The following AGTPBP1 variants were observed in gnomAD, a reference collection of about 807,000 sequenced individuals.
The protein encoded by AGTPBP1 is cytosolic carboxypeptidase 1.
Under a neutral mutation model 143.9 loss-of-function variants are expected in AGTPBP1, and 70 were observed. The observed-to-expected ratio is 0.49, with a 90% CI of 0.40 to 0.59. The LOEUF (loss-of-function observed/expected upper bound fraction) is 0.59. AGTPBP1 is among the 20% of genes least tolerant of loss of function. The pLI is 0.00. For synonymous variants in AGTPBP1, 463 were observed against 500.2 expected, an observed-to-expected ratio of 0.93 and a Z score of 0.99; for missense variants, 1,229 against 1,464.5, an observed-to-expected ratio of 0.84 and a Z score of 2.62.
intron 1 of AGTPBP1, among the ~76,000 whole-genome samples, chr9:85,728,046 C>T (rs1345660806): frequency 0.014 from 2,032 of 149,296 alleles, 25 homozygotes; most frequent in Middle Eastern, 0.034. Flanking sequence ...CACACACACA[C>T]ACACACACAC....
chr9:85,609,986 A>G (rs1830218723), intron 17 of AGTPBP1, among the ~76,000 whole-genome samples: 1 of 152,184 alleles, frequency 6.6e-6, no homozygotes. Context: ...TTAAACTGTA[A>G]AGAGCACCCC....
In AGTPBP1 at chr9:85,623,469, G is replaced by C. The variant is rs146093037; in HGVS notation, c.2016-2184C>G. Among the ~76,000 whole-genome samples, 506 of 152,110 alleles carry C rather than the reference G, an allele frequency of 3.3e-3. 1 individual carries two copies. The highest frequency in any genetic ancestry group is 0.027 in the Middle Eastern group (8 of 294). ...GCCCTAAGCTCTCTTTAATAAAGAG[G>C]AGAGGCAGGGCATGGTGGCTCGTGC... On this transcript the variant is annotated intron_variant, in intron 14 of 25. Coordinates refer to ENST00000357081, the MANE Select transcript of AGTPBP1 (RefSeq NM_001330701.2).
chr9:85,721,092 G>A (rs1326615468), intron 1 of AGTPBP1, among the ~76,000 whole-genome samples: 1 of 152,112 alleles, frequency 6.6e-6, no homozygotes, highest in Non-Finnish European at 1.5e-5. Context: ...CCAATTATGT[G>A]GTCAATTTTA....
intron 25 of AGTPBP1, among the ~76,000 whole-genome samples, chr9:85,570,755 T>C (rs1009406887): frequency 2.0e-5 from 3 of 152,144 alleles, no homozygotes; most frequent in African/African-American, 7.2e-5. Context: ...TAGAACATAA[T>C]TGGTCAATGA....
chr9:85,765,459 GT>G, the AGTPBP1 span, among the ~76,000 whole-genome samples: 1 of 152,088 alleles, frequency 6.6e-6, no homozygotes, highest in Admixed American at 6.6e-5. Flanking sequence ...TATAGTTACA[GT>G]TTTTTTAAAA....
Position 85,546,993 on chromosome 9 carries a change from T to TA in AGTPBP1, c.*115dup. On this transcript the variant is annotated 3_prime_UTR_variant, in exon 26 of 26. Coordinates refer to ENST00000357081, the MANE Select transcript of AGTPBP1 (RefSeq NM_001330701.2). ...ATCTTGAAACCAAACTGGCCCAAGT[T>TA]ACTTTTTGTCTTTTTGAGTCAGCTC... 1 of 1,057,740 alleles carries TA rather than the reference T, an allele frequency of 9.5e-7. No individual in the cohort carries two copies. 65.5% of individuals were successfully genotyped at this position (1,057,740 alleles called of 1,614,324 possible). A position where few individuals can be genotyped will look rare whatever the true frequency, so the allele number is the denominator to read the frequency against.
intron 8 of AGTPBP1, among the ~76,000 whole-genome samples, chr9:85,666,702 C>T (rs1834154784): frequency 6.6e-6 from 1 of 151,982 alleles, no homozygotes; most frequent in Non-Finnish European, 1.5e-5. Flanking sequence ...CCCCTGGAAA[C>T]ATTTTATATT....
intron 3 of AGTPBP1, among the ~76,000 whole-genome samples, chr9:85,690,474 T>C (rs1333197650): frequency 3.9e-5 from 6 of 152,026 alleles, no homozygotes; most frequent in Non-Finnish European, 7.4e-5. Flanking sequence ...AGGAGTATTT[T>C]CAGTGGTGAG....
chr9:85,669,796 C>CA (rs35265103), intron 7 of AGTPBP1, among the ~76,000 whole-genome samples: 11,034 of 126,288 alleles, frequency 0.087, 647 homozygotes, highest in East Asian at 0.26. Flanking sequence ...GAGTTATATG[C>CA]AAAAAAAAAA....
chr9:85,683,343 T>G (rs1835304400), intron 3 of AGTPBP1, among the ~76,000 whole-genome samples: 1 of 152,224 alleles, frequency 6.6e-6, no homozygotes, highest in African/African-American at 2.4e-5. Flanking sequence ...AAATATCTAA[T>G]GTACCCTTGA....
In AGTPBP1 at chr9:85,733,967, T is replaced by C. The variant is rs140730175; in HGVS notation, c.-34+7808A>G. 3.9e-5 allele frequency among the ~76,000 whole-genome samples: 6 copies of C among 152,292 alleles called. No individual in the cohort carries two copies. The East Asian group carries it at 1.2e-3, about 29-fold the overall frequency. Reference sequence around the variant, plus strand: ...ATGTAATCAGTAATTAAAAACCTCCTTACAGGCTGGGCACGGTGGCTCACG... The same window carrying C: ...ATGTAATCAGTAATTAAAAACCTCCCTACAGGCTGGGCACGGTGGCTCACG... On this transcript the variant is annotated intron_variant, in intron 1 of 25. Transcript: ENST00000357081.
the AGTPBP1 span, among the ~76,000 whole-genome samples, chr9:85,767,792 T>A: frequency 1.3e-5 from 2 of 152,276 alleles, no homozygotes; most frequent in East Asian, 3.9e-4. Flanking sequence ...TGAGAACATA[T>A]AATTTATAGG....
chr9:85,706,976 A>G (rs1382974612), intron 2 of AGTPBP1, among the ~76,000 whole-genome samples: 2 of 152,170 alleles, frequency 1.3e-5, no homozygotes, highest in Admixed American at 1.3e-4. Flanking sequence ...CATGTTGCCT[A>G]CAAGAAATGT....
intron 11 of AGTPBP1, among the ~76,000 whole-genome samples, chr9:85,646,634 T>C (rs1832826906): frequency 6.6e-6 from 1 of 152,202 alleles, no homozygotes; most frequent in Non-Finnish European, 1.5e-5. Context: ...ACTGTAAAGG[T>C]GAATTTTACT....
intron 8 of AGTPBP1, among the ~76,000 whole-genome samples, chr9:85,662,801 C>T (rs7035561): frequency 0.24 from 36,962 of 151,926 alleles, 5,044 homozygotes; most frequent in East Asian, 0.51. Flanking sequence ...TGTCAGTCTC[C>T]CTTTGAGAAG....
chr9:85,738,550 G>A (rs1823981250), intron 1 of AGTPBP1, among the ~76,000 whole-genome samples: 1 of 152,066 alleles, frequency 6.6e-6, no homozygotes, highest in Middle Eastern at 3.4e-3. Context: ...TTTTGATAGC[G>A]GCACATTATA....
At position 85,589,612 on chromosome 9, in the gene AGTPBP1, C is replaced by G; in HGVS notation, c.2638G>C (p.Glu880Gln). Residue 880 changes from glutamate (E) to glutamine (Q), a missense_variant, in exon 20 of 26, where the codon GAA becomes CAA. This residue lies in a region of AGTPBP1 where 486 missense variants were observed against 652.3 expected (regional missense o/e 0.75). Coordinates refer to ENST00000357081, the MANE Select transcript of AGTPBP1 (RefSeq NM_001330701.2). ...QIYFRKDVLC[E>Q]TLSGNSCPLV... Reference sequence around the variant, plus strand: ...GGGCAGCTGTTTCCAGACAGGGTTTCACATAACACATCTTTCCGAAAATAG... The same window carrying G: ...GGGCAGCTGTTTCCAGACAGGGTTTGACATAACACATCTTTCCGAAAATAG... The G allele has an allele frequency of 6.2e-7, 1 of 1,613,640 alleles. No individual in the cohort carries two copies. Among genetic ancestry groups the G allele is most frequent in the Non-Finnish European group, 8.5e-7 (1 of 1,179,684 alleles).
chr9:85,772,604 T>C, the AGTPBP1 span, among the ~76,000 whole-genome samples: 2 of 152,060 alleles, frequency 1.3e-5, no homozygotes, highest in Admixed American at 6.6e-5. Context: ...TTTAAAAAAC[T>C]TAGCCAGGCA....
Position 85,618,736 on chromosome 9 carries a change from T to C in AGTPBP1, c.2335+247A>G, listed in dbSNP as rs1330167035. On this transcript the variant is annotated intron_variant, in intron 17 of 25. Transcript: ENST00000357081. ...CCATCGGAGTATACATAATAAACCT[T>C]TAGTTCCCTTCAATTTGGATGAAAT... Among the ~76,000 whole-genome samples the C allele has an allele frequency of 5.2e-4, 79 of 152,122 alleles. 2 individuals are homozygous for C. Among genetic ancestry groups the C allele is most frequent in the Non-Finnish European group, 2.9e-5 (2 of 68,012 alleles).
Sources: gnomAD v4.1 joint callset for allele counts (sites outside exome capture counted in the v4.1 genomes callset) on GRCh38, gnomAD v4.1.1 for gene constraint, gnomAD v4.1.1 regional missense constraint, MANE v1.5 for transcripts, NCBI Gene and HGNC (gene_info 2026-07-23, HGNC 2026-07-21) for gene names.